Variants in GMDS observed in about 807,000 individuals in gnomAD.
GMDS encodes the protein GDP-mannose 4,6 dehydratase.
Under a neutral mutation model 49.9 loss-of-function variants are expected in GMDS, and 20 were observed. That is an observed-to-expected ratio of 0.40 (90% CI 0.28 to 0.58). GMDS has a LOEUF of 0.58. Ranked by LOEUF, GMDS falls within the 20% of genes least tolerant of loss-of-function variation. GMDS has a pLI of 0.42. For missense variants in GMDS, 362 were observed against 481.4 expected (o/e 0.75, Z 2.32); for synonymous variants, 177 against 178.6 (o/e 0.99, Z 0.07).
At chr6:2,193,257 C>G (rs1779128420) in intron 1 of GMDS, among the ~76,000 whole-genome samples, 1 of 152,248 alleles carries the variant, frequency 6.6e-6, no homozygotes, top group South Asian at 2.1e-4. Context: ...AAACCTCACT[C>G]AAGTTATTAC....
At chr6:1,777,754 G>C (rs1003316892) in intron 7 of GMDS, among the ~76,000 whole-genome samples, 1 of 152,198 alleles carries the variant, frequency 6.6e-6, no homozygotes, top group Non-Finnish European at 1.5e-5. Flanking sequence ...GGGATGGAGG[G>C]ATAGCAAGAG....
At chr6:1,851,704 C>T (rs2113766717) in intron 7 of GMDS, among the ~76,000 whole-genome samples, 1 of 152,026 alleles carries the variant, frequency 6.6e-6, no homozygotes, top group Non-Finnish European at 1.5e-5. Context: ...CCACTGAACA[C>T]TATATTTTTT....
chr6:2,197,937 C>T (rs568981695), intron 1 of GMDS, among the ~76,000 whole-genome samples: 42 of 152,168 alleles, frequency 2.8e-4, no homozygotes, highest in Non-Finnish European at 5.4e-4. Context: ...AGGATGCGTG[C>T]ATTAGAGTCA....
chr6:2,029,049 C>T (rs568460076), intron 4 of GMDS, among the ~76,000 whole-genome samples: 27 of 151,030 alleles, frequency 1.8e-4, no homozygotes, highest in Admixed American at 4.6e-4. Context: ...AGACCTTTAC[C>T]ATACCTTTTT....
At chr6:2,170,677 T>C (rs1052439379) in intron 1 of GMDS, among the ~76,000 whole-genome samples, 2 of 151,538 alleles carry the variant, frequency 1.3e-5, no homozygotes, top group Admixed American at 1.3e-4. Flanking sequence ...ACTAACCCAT[T>C]TGGTTACCTT....
chr6:2,241,731 G>C (rs1781624115), intron 1 of GMDS, among the ~76,000 whole-genome samples: 1 of 152,222 alleles, frequency 6.6e-6, no homozygotes, highest in South Asian at 2.1e-4. Context: ...GAAGCCTAAA[G>C]CTTTCAGCAG....
At chr6:1,624,705 G>A (rs377543312) in intron 9 of GMDS, 165 bp from the exon 10 acceptor site, 2 of 613,984 alleles carry the variant, frequency 3.3e-6, no homozygotes, top group East Asian at 2.8e-5. Context: ...GGCTCTCGGC[G>A]CCGTAAATCA....
intron 9 of GMDS, among the ~76,000 whole-genome samples, chr6:1,713,117 T>C (rs1330344586): frequency 6.6e-6 from 1 of 152,228 alleles, no homozygotes; most frequent in African/African-American, 2.4e-5. Context: ...AGATCCATAG[T>C]GGCCACTCTC....
chr6:1,695,082 T>A (rs1310814457), intron 9 of GMDS, among the ~76,000 whole-genome samples: 1 of 146,476 alleles, frequency 6.8e-6, no homozygotes, highest in African/African-American at 2.5e-5. Flanking sequence ...TAAAAAAAAA[T>A]AACAAACTTC....
chr6:1,708,679 T>C (rs933713990), intron 9 of GMDS, among the ~76,000 whole-genome samples: 1 of 152,242 alleles, frequency 6.6e-6, no homozygotes, highest in African/African-American at 2.4e-5. Flanking sequence ...TAGTCTATTC[T>C]AAGAACTCCA....
At chr6:1,762,670 A>G (rs1768204751) in intron 7 of GMDS, among the ~76,000 whole-genome samples, 1 of 152,240 alleles carries the variant, frequency 6.6e-6, no homozygotes. Context: ...TGTTAACTTC[A>G]TGATTTCAAC....
chr6:1,979,289 G>A (rs1765090845), intron 4 of GMDS, among the ~76,000 whole-genome samples: 1 of 152,200 alleles, frequency 6.6e-6, no homozygotes, highest in Admixed American at 6.5e-5. Context: ...AAGCGAAGAA[G>A]CTAAAACAAT....
intron 7 of GMDS, among the ~76,000 whole-genome samples, chr6:1,816,777 A>C (rs1326196841): frequency 6.6e-6 from 1 of 151,980 alleles, no homozygotes; most frequent in Non-Finnish European, 1.5e-5. Flanking sequence ...AAACAAATAC[A>C]GATTTGTTTT....
chr6:1,647,494 C>G (rs936406475), intron 9 of GMDS, among the ~76,000 whole-genome samples: 7 of 152,158 alleles, frequency 4.6e-5, no homozygotes, highest in African/African-American at 1.7e-4. Flanking sequence ...TTCAGCTATA[C>G]CAGAGGATAT....
rs962539709 is a variant in GMDS at position 1,833,194 on chromosome 6, G to A, written c.772-90608C>T. On this transcript the variant is annotated intron_variant, in intron 7 of 10. Transcript: ENST00000380815. The surrounding 1 kb of genome is among the most constrained non-coding windows in gnomAD (Gnocchi z 4.4). ...GGGCAAAGGGTGGCATGGACCCTCA[G>A]GCACATTAATCAGCAGGGGAATTGG... 1.3e-5 allele frequency among the ~76,000 whole-genome samples: 2 copies of A among 150,152 alleles called. No homozygotes were observed. The highest frequency in any genetic ancestry group is 2.9e-5 in the Non-Finnish European group (2 of 67,828).
chr6:1,891,752 C>A (rs969261420), intron 7 of GMDS, among the ~76,000 whole-genome samples: 1 of 152,176 alleles, frequency 6.6e-6, no homozygotes, highest in Non-Finnish European at 1.5e-5. Context: ...AATGAGACCT[C>A]TGGGAGTGAA....
intron 9 of GMDS, among the ~76,000 whole-genome samples, chr6:1,724,233 C>A (rs1443277796): frequency 6.6e-6 from 1 of 152,164 alleles, no homozygotes; most frequent in East Asian, 1.9e-4. Flanking sequence ...AAAAATAAAG[C>A]AAGCATATGA....
At chr6:1,634,841 G>A (rs947187283) in intron 9 of GMDS, among the ~76,000 whole-genome samples, 2 of 152,146 alleles carry the variant, frequency 1.3e-5, no homozygotes, top group African/African-American at 2.4e-5. Context: ...ACATAGCGAC[G>A]GAAAGGCGTG....
chr6:1,632,332 G>A (rs1387371836), intron 9 of GMDS, among the ~76,000 whole-genome samples: 1 of 152,206 alleles, frequency 6.6e-6, no homozygotes, highest in Non-Finnish European at 1.5e-5. Flanking sequence ...TGACACAGAA[G>A]AGTCCATATT....
Sources: gnomAD v4.1 joint callset for allele counts (sites outside exome capture counted in the v4.1 genomes callset) on GRCh38, gnomAD v4.1.1 for gene constraint, Gnocchi (gnomAD v3.1) non-coding constraint, MANE v1.5 for transcripts, NCBI Gene and HGNC (gene_info 2026-07-23, HGNC 2026-07-21) for gene names.